Variants in ARHGAP15 observed in about 807,000 individuals in gnomAD.
ARHGAP15 encodes rho GTPase-activating protein 15.
ARHGAP15 carries 51 observed loss-of-function variants against 63.7 expected under a neutral mutation model. The observed-to-expected ratio is 0.80, with a 90% CI of 0.64 to 1.01. The LOEUF (loss-of-function observed/expected upper bound fraction) is 1.01. ARHGAP15 is among the 50% of genes least tolerant of loss of function. The pLI, the probability that ARHGAP15 is intolerant of heterozygous loss-of-function variation, is 0.00. For missense variants in ARHGAP15, 560 were observed against 564.6 expected (o/e 0.99, Z 0.08); for synonymous variants, 191 against 193.8 (o/e 0.99, Z 0.12).
At chr2:143,708,543 A>G (rs566146772) in intron 13 of ARHGAP15, among the ~76,000 whole-genome samples, 140 of 152,098 alleles carry the variant, frequency 9.2e-4, no homozygotes, top group African/African-American at 3.3e-3. Flanking sequence ...TCACACCCCC[A>G]TTCTCATACC....
chr2:143,556,432 G>A lies in ARHGAP15; in HGVS notation c.950G>A (p.Arg317Gln), dbSNP rs1248706263. The change falls in exon 11 of 14, where the codon CGA becomes CAA. Residue 317 changes from arginine (R) to glutamine (Q), a missense_variant. Physicochemically the swap from Arg to Gln is conservative, Grantham distance 43 (BLOSUM62 1). Coordinates refer to ENST00000295095, the MANE Select transcript of ARHGAP15 (RefSeq NM_018460.4). ...KRGLDVDGIYRVSGNLATIQK... is the reference protein window; with the variant it reads ...KRGLDVDGIYQVSGNLATIQK... ...GGTCTAGATGTTGATGGAATATATC[G>A]AGTTAGTGGCAATCTGGCAACAATA... 22 of 1,611,704 alleles carry A rather than the reference G, an allele frequency of 1.4e-5. No individual in the cohort carries two copies. The highest frequency in any genetic ancestry group is 6.7e-5 in the East Asian group (3 of 44,720).
chr2:143,388,429 C>T (rs778324501), intron 6 of ARHGAP15, among the ~76,000 whole-genome samples: 2 of 152,158 alleles, frequency 1.3e-5, no homozygotes, highest in East Asian at 1.9e-4. Context: ...GGCACTCTAA[C>T]GAAATCAAAA....
chr2:143,290,179 C>T (rs375004596), intron 6 of ARHGAP15, among the ~76,000 whole-genome samples: 33 of 151,836 alleles, frequency 2.2e-4, no homozygotes, highest in East Asian at 3.9e-4. Flanking sequence ...TAGCTATTTA[C>T]GATCAGGAGA....
At chr2:143,152,377 G>A (rs914492910) in intron 1 of ARHGAP15, among the ~76,000 whole-genome samples, 1 of 151,924 alleles carries the variant, frequency 6.6e-6, no homozygotes, top group Non-Finnish European at 1.5e-5. Flanking sequence ...TAGCTCTGAT[G>A]TAATCTGATC....
chr2:143,337,851 T>G (rs895409853), intron 6 of ARHGAP15, among the ~76,000 whole-genome samples: 3 of 152,192 alleles, frequency 2.0e-5, no homozygotes, highest in African/African-American at 7.2e-5. Flanking sequence ...GAACACAGCA[T>G]TAAATTAATT....
At chr2:143,476,228 C>G (rs886322709) in intron 8 of ARHGAP15, among the ~76,000 whole-genome samples, 7 of 152,092 alleles carry the variant, frequency 4.6e-5, no homozygotes, top group Non-Finnish European at 1.5e-5. Flanking sequence ...CTATGGTCCC[C>G]TAGTACTTGT....
chr2:143,379,487 A>ATGCG, intron 6 of ARHGAP15, among the ~76,000 whole-genome samples: 2 of 129,842 alleles, frequency 1.5e-5, no homozygotes, highest in Middle Eastern at 7.9e-3. Flanking sequence ...AGGCATATAT[A>ATGCG]TGTGTGTGTG....
intron 13 of ARHGAP15, among the ~76,000 whole-genome samples, chr2:143,759,119 T>A (rs1686675627): frequency 6.6e-6 from 1 of 152,084 alleles, no homozygotes. Flanking sequence ...CCAGTAGCAA[T>A]TTCCCACCCC....
intron 4 of ARHGAP15, among the ~76,000 whole-genome samples, chr2:143,227,464 A>C (rs935748115): frequency 6.6e-6 from 1 of 152,160 alleles, no homozygotes; most frequent in Non-Finnish European, 1.5e-5. Flanking sequence ...TGGAGGATAG[A>C]GGTGAAATTT....
intron 11 of ARHGAP15, 38 bp from the exon 12 acceptor site, chr2:143,624,095 T>G (rs773098931): frequency 1.2e-6 from 2 of 1,608,232 alleles, no homozygotes; most frequent in South Asian, 1.1e-5. Flanking sequence ...ATTGTTTCAT[T>G]AAAACCAGTT....
chr2:143,707,338 AATG>A, intron 13 of ARHGAP15, among the ~76,000 whole-genome samples: 1 of 152,340 alleles, frequency 6.6e-6, no homozygotes, highest in East Asian at 1.9e-4. Context: ...CTGAGATTTC[AATG>A]ATAAGTACTT....
chr2:143,218,491 T>C (rs2105148975), intron 4 of ARHGAP15, among the ~76,000 whole-genome samples: 1 of 152,138 alleles, frequency 6.6e-6, no homozygotes, highest in Non-Finnish European at 1.5e-5. Context: ...TCAAACTCAT[T>C]CTCCATATAT....
chr2:143,584,577 G>T (rs762156745), intron 11 of ARHGAP15, among the ~76,000 whole-genome samples: 64 of 152,072 alleles, frequency 4.2e-4, no homozygotes, highest in Admixed American at 6.6e-4. Context: ...AGTGATCCAA[G>T]ATCATGCCAC....
At chr2:143,165,896 T>A (rs1339462579) in intron 2 of ARHGAP15, among the ~76,000 whole-genome samples, 1 of 149,460 alleles carries the variant, frequency 6.7e-6, no homozygotes, top group African/African-American at 2.5e-5. Flanking sequence ...TTCCTGGATG[T>A]ACTATCCTTA....
chr2:143,452,155 A>G (rs750343322), intron 8 of ARHGAP15, among the ~76,000 whole-genome samples: 1 of 152,026 alleles, frequency 6.6e-6, no homozygotes, highest in African/African-American at 2.4e-5. Flanking sequence ...TTCATTATAC[A>G]CAGAGAATCG....
At chr2:143,531,139 T>TGCATGTG (rs1331166963) in intron 10 of ARHGAP15, among the ~76,000 whole-genome samples, 4 of 152,208 alleles carry the variant, frequency 2.6e-5, no homozygotes, top group African/African-American at 9.6e-5. Flanking sequence ...CATGTGTGTG[T>TGCATGTG]TCTGTTCTGG....
intron 13 of ARHGAP15, among the ~76,000 whole-genome samples, chr2:143,704,207 CTAA>C (rs968701013): frequency 2.0e-5 from 3 of 152,106 alleles, no homozygotes; most frequent in African/African-American, 7.2e-5. Flanking sequence ...GGATTCTATT[CTAA>C]ATTCAAGGAA....
At chr2:143,662,203 A>G (rs1248885019) in intron 12 of ARHGAP15, among the ~76,000 whole-genome samples, 1 of 152,144 alleles carries the variant, frequency 6.6e-6, no homozygotes, top group Non-Finnish European at 1.5e-5. Flanking sequence ...TTCTCCCAGC[A>G]TGCAGCTGGA....
At chr2:143,566,865 CA>C (rs1260319384) in intron 11 of ARHGAP15, among the ~76,000 whole-genome samples, 1 of 151,198 alleles carries the variant, frequency 6.6e-6, no homozygotes, top group African/African-American at 2.4e-5. Flanking sequence ...CTTCAGAGCA[CA>C]TGCTATCTAA....
Sources: allele counts gnomAD v4.1 joint callset (sites outside exome capture counted in the v4.1 genomes callset), GRCh38; gene constraint gnomAD v4.1.1; transcripts MANE v1.5; gene names NCBI Gene and HGNC (gene_info 2026-07-23, HGNC 2026-07-21).